Variants in PEAK1 observed in about 807,000 individuals in gnomAD.
PEAK1 encodes the protein inactive tyrosine-protein kinase PEAK1.
PEAK1 carries 54 observed loss-of-function variants against 124.7 expected under a neutral mutation model. That is an observed-to-expected ratio of 0.43 (90% confidence interval 0.35 to 0.54). PEAK1 has a LOEUF of 0.54. Ranked by LOEUF, PEAK1 falls within the 20% of genes least tolerant of loss-of-function variation. The pLI is 0.01. For synonymous variants in PEAK1, 719 were observed against 760.0 expected, an observed-to-expected ratio of 0.95 and a Z score of 0.89; for missense variants, 2,046 against 2,134.5, an observed-to-expected ratio of 0.96 and a Z score of 0.82.
At chr15:77,283,132 C>G (rs1365199881) in intron 5 of PEAK1, among the ~76,000 whole-genome samples, 1 of 152,104 alleles carries the variant, frequency 6.6e-6, no homozygotes, top group African/African-American at 2.4e-5. Flanking sequence ...TTATAATGGA[C>G]TCTTAAGAAA....
intron 6 of PEAK1, among the ~76,000 whole-genome samples, chr15:77,205,255 T>A (rs570577854): frequency 7.8e-4 from 118 of 150,582 alleles, no homozygotes; most frequent in South Asian, 8.4e-4. Flanking sequence ...ATTTTTTTTT[T>A]AAGATCAAAT....
At chr15:77,182,236 AT>A (rs2152822070) in intron 6 of PEAK1, among the ~76,000 whole-genome samples, 196 bp from the exon 7 acceptor site, 1 of 152,238 alleles carries the variant, frequency 6.6e-6, no homozygotes, top group Admixed American at 6.5e-5. Flanking sequence ...TTTAACTATA[AT>A]TTTATGCACT....
chr15:77,351,112 A>T (rs1408760028), intron 2 of PEAK1: 1 of 186,446 alleles, frequency 5.4e-6, no homozygotes, highest in Non-Finnish European at 1.0e-5. Flanking sequence ...AAGTGCCATA[A>T]CAACATGTAT....
At chr15:77,339,399 T>C (rs183999784) in intron 2 of PEAK1, among the ~76,000 whole-genome samples, 1 of 152,318 alleles carries the variant, frequency 6.6e-6, no homozygotes, top group East Asian at 1.9e-4. Context: ...TGGTAAGTAC[T>C]TTAGATACAG....
At chr15:77,228,895 A>C (rs1372665490) in intron 6 of PEAK1, among the ~76,000 whole-genome samples, 1 of 152,136 alleles carries the variant, frequency 6.6e-6, no homozygotes, top group Non-Finnish European at 1.5e-5. Context: ...CAGGTCCTTC[A>C]TTTGACAGTC....
At chr15:77,357,474 T>A (rs2067595338) in intron 2 of PEAK1, among the ~76,000 whole-genome samples, 1 of 152,094 alleles carries the variant, frequency 6.6e-6, no homozygotes, top group Non-Finnish European at 1.5e-5. Context: ...GGTTTCACCA[T>A]GTTGGCCAAA....
At chr15:77,322,615 T>C in intron 2 of PEAK1, among the ~76,000 whole-genome samples, 1 of 151,984 alleles carries the variant, frequency 6.6e-6, no homozygotes. Flanking sequence ...AATAACAGGC[T>C]CTGAAATTGA....
intron 5 of PEAK1, among the ~76,000 whole-genome samples, chr15:77,272,748 G>A (rs939654711): frequency 2.6e-5 from 4 of 150,948 alleles, no homozygotes; most frequent in African/African-American, 4.8e-5. Flanking sequence ...GAATCCTCCC[G>A]AAATCATTCT....
intron 5 of PEAK1, among the ~76,000 whole-genome samples, chr15:77,274,167 A>C (rs1018722968): frequency 6.6e-6 from 1 of 152,216 alleles, no homozygotes; most frequent in African/African-American, 2.4e-5. Flanking sequence ...TGAAACCATA[A>C]AAATTCTAGA....
chr15:77,209,405 C>T (rs2058808153), intron 6 of PEAK1, among the ~76,000 whole-genome samples: 1 of 152,124 alleles, frequency 6.6e-6, no homozygotes, highest in Non-Finnish European at 1.5e-5. Context: ...AACAAGCTAA[C>T]AGATGGCAAG....
chr15:77,162,950 A>G (rs1159989111), intron 7 of PEAK1, among the ~76,000 whole-genome samples: 1 of 152,190 alleles, frequency 6.6e-6, no homozygotes, highest in Non-Finnish European at 1.5e-5. Flanking sequence ...TTTGATATTG[A>G]TTACTATAAA....
chr15:77,191,502 A>G (rs2057833110), intron 6 of PEAK1, among the ~76,000 whole-genome samples: 1 of 152,154 alleles, frequency 6.6e-6, no homozygotes, highest in Non-Finnish European at 1.5e-5. Context: ...ATCATGGATG[A>G]TTTAATTGAA....
At chr15:77,227,739 T>C (rs1371596201) in intron 6 of PEAK1, among the ~76,000 whole-genome samples, 1 of 152,174 alleles carries the variant, frequency 6.6e-6, no homozygotes, top group Non-Finnish European at 1.5e-5. Context: ...TGCTCATGCC[T>C]GTAATCCCAG....
chr15:77,241,533 T>C (rs969683730), intron 6 of PEAK1, among the ~76,000 whole-genome samples: 3 of 152,046 alleles, frequency 2.0e-5, no homozygotes, highest in Non-Finnish European at 4.4e-5. Context: ...AAAATAAAAC[T>C]GTACCTATTT....
chr15:77,190,103 T>G (rs2057758321), intron 6 of PEAK1, among the ~76,000 whole-genome samples: 1 of 152,222 alleles, frequency 6.6e-6, no homozygotes, highest in Admixed American at 6.5e-5. Context: ...TTTATTGTCT[T>G]GTGTTACTTT....
At chr15:77,362,573 G>A (rs2067963521) in intron 2 of PEAK1, among the ~76,000 whole-genome samples, 1 of 152,104 alleles carries the variant, frequency 6.6e-6, no homozygotes. Flanking sequence ...ATGTAAAAAG[G>A]TACCGTCTTT....
At chr15:77,260,948 A>T (rs2061408079) in intron 5 of PEAK1, among the ~76,000 whole-genome samples, 1 of 152,230 alleles carries the variant, frequency 6.6e-6, no homozygotes, top group African/African-American at 2.4e-5. Flanking sequence ...ATCAGGCAGC[A>T]ACATTTGCTG....
intron 2 of PEAK1, chr15:77,336,041 A>G: frequency 2.0e-6 from 2 of 985,414 alleles, no homozygotes; most frequent in Non-Finnish European, 1.2e-6. Context: ...TAATTTTTGA[A>G]GGTAAGATAA....
At chr15:77,373,694 C>A (rs546419068) in intron 1 of PEAK1, among the ~76,000 whole-genome samples, 2 of 152,314 alleles carry the variant, frequency 1.3e-5, no homozygotes, top group East Asian at 3.9e-4. Flanking sequence ...GCCATCTTAA[C>A]TGGTTGGTCC....
Sources: allele counts gnomAD v4.1 joint callset (sites outside exome capture counted in the v4.1 genomes callset), GRCh38; gene constraint gnomAD v4.1.1; transcripts MANE v1.5; gene names NCBI Gene and HGNC (gene_info 2026-07-23, HGNC 2026-07-21).